Variants in SHF observed in about 807,000 individuals in gnomAD.
SHF encodes the protein Src homology 2 domain containing F.
Under a neutral mutation model 42.4 loss-of-function variants are expected in SHF, and 30 were observed. The observed-to-expected ratio is 0.71, with a 90% CI of 0.53 to 0.96. The LOEUF is 0.96. Among genes scored for constraint, SHF ranks in the 40% least tolerant of loss-of-function variants. SHF has a pLI of 0.00. For missense variants in SHF, 598 were observed against 634.0 expected (o/e 0.94, Z 0.61); for synonymous variants, 264 against 269.9 (o/e 0.98, Z 0.21).
At chr15:45,181,812 C>T (rs914252054) in intron 1 of SHF, among the ~76,000 whole-genome samples, 6 of 151,786 alleles carry the variant, frequency 4.0e-5, no homozygotes, top group Admixed American at 2.0e-4. Context: ...AAAACCACGG[C>T]GGAGGGGTGA....
rs377627410 is a variant in SHF, at chr15:45,172,015, G to A, written c.1161-13C>T. The A allele has an allele frequency of 3.4e-4, 555 of 1,613,818 alleles. 2 individuals are homozygous for A. Among genetic ancestry groups the A allele is most frequent in the Non-Finnish European group, 4.5e-4 (533 of 1,179,864 alleles). On this transcript the variant is annotated splice_polypyrimidine_tract_variant and intron_variant, in intron 5 of 6. Coordinates refer to ENST00000690270, the MANE Select transcript of SHF (RefSeq NM_001394037.1). ...CCCGTGATACCAGCTAAGGATGAGA[G>A]AGAGGAAGGGGGGCATCTCTGCTGG...
At position 45,186,158 on chromosome 15, in the gene SHF, G is replaced by A. The variant is rs74011386; in HGVS notation, c.498+1296C>T. ...CAATAGCAGGGGACAAGAAGCAGAC[G>A]AGCACAGCCTTGGAGAAGTGCCCTT... On this transcript the variant is annotated intron_variant, in intron 1 of 6. Transcript: ENST00000690270. 3.3e-3 allele frequency among the ~76,000 whole-genome samples: 510 copies of A among 152,352 alleles called. 5 individuals carry two copies. Among genetic ancestry groups the A allele is most frequent in the African/African-American group, 0.012 (482 of 41,580 alleles).
Position 45,176,172 on chromosome 15 carries a change from T to C in SHF, c.641-747A>G, listed in dbSNP as rs1897798894. Among the ~76,000 whole-genome samples the C allele has an allele frequency of 3.3e-5, 5 of 152,048 alleles. No individual in the cohort carries two copies. In the South Asian group the frequency reaches 1.0e-3, roughly 32 times the overall value. ...GAATTATTCTTTGCTGCCCAGACAC[T>C]GTGGACCACCCGCTCCTTGAAACTT... On this transcript the variant is annotated intron_variant, in intron 2 of 6. Coordinates refer to ENST00000690270, the MANE Select transcript of SHF (RefSeq NM_001394037.1).
chr15:45,198,567 A>G (rs1898946044), intron 2 of SHF: 4 of 552,854 alleles, frequency 7.2e-6, no homozygotes, highest in African/African-American at 1.9e-5. Flanking sequence ...AAAAGGGGAA[A>G]AAAATACCGA....
chr15:45,181,717 A>G (rs935619954), intron 1 of SHF, among the ~76,000 whole-genome samples: 3 of 152,192 alleles, frequency 2.0e-5, no homozygotes, highest in Non-Finnish European at 2.9e-5. Context: ...CTCTCAGCAG[A>G]TCTACATCTG....
chr15:45,190,569 G>A (rs1265359119), upstream of SHF, among the ~76,000 whole-genome samples: 5 of 152,214 alleles, frequency 3.3e-5, no homozygotes, highest in African/African-American at 9.7e-5. Context: ...TGTGACATGA[G>A]TTAAACTGCT....
chr15:45,173,624 A>T lies in SHF; in HGVS notation c.940T>A (p.Ser314Thr). 6.4e-7 allele frequency: 1 copy of T among 1,550,488 alleles called. No homozygotes were observed. The highest frequency in any genetic ancestry group is 8.7e-7 in the Non-Finnish European group (1 of 1,146,490). Residue 314 changes from serine to threonine, a missense_variant, in exon 4 of 7, where the codon TCC becomes ACC. This residue lies in a region of SHF where 439 missense variants were observed against 524.6 expected (regional missense o/e 0.84). Transcript: ENST00000690270. Reference sequence around the variant, plus strand: ...TCAGGGAGGGGCGAGGCTGGACCGGAGATGTCCCTGTCCCCATCAGGCAGG... The same window carrying T: ...TCAGGGAGGGGCGAGGCTGGACCGGTGATGTCCCTGTCCCCATCAGGCAGG... The part of the protein sequence containing the change: ...PSLPDGDRDI[S>T]GPASPLPEPS...
chr15:45,186,848 C>T (rs1421781045), intron 1 of SHF, among the ~76,000 whole-genome samples: 1 of 152,250 alleles, frequency 6.6e-6, no homozygotes, highest in Non-Finnish European at 1.5e-5. Context: ...TGCCTGTCTT[C>T]GCCTCCTGAG....
At position 45,173,658 on chromosome 15, in the gene SHF, G is replaced by T; in HGVS notation, c.906C>A (p.Ser302Arg). The change falls in exon 4 of 7, where the codon AGC becomes AGA. Residue 302 changes from serine (S) to arginine (R), a missense_variant. Ser to Arg is a moderately radical substitution (Grantham distance 110). Transcript: ENST00000690270. ...TGTCCCCATCAGGCAGGGAGGGGCT[G>T]CTGTCCAGCTGTCCCACAGGTGGAG... ...PWPPPVGQLD[S>R]SPSLPDGDRD... 1 of 1,551,610 alleles carries T rather than the reference G, an allele frequency of 6.4e-7. No homozygotes were observed. The highest frequency in any genetic ancestry group is 2.4e-5 in the East Asian group (1 of 40,926).
At chr15:45,197,514 C>T (rs1465152734) in intron 2 of SHF, among the ~76,000 whole-genome samples, 1 of 152,198 alleles carries the variant, frequency 6.6e-6, no homozygotes, top group Non-Finnish European at 1.5e-5. Context: ...GTCCTTCTAT[C>T]TGACTCCAAA....
upstream of SHF, among the ~76,000 whole-genome samples, chr15:45,192,268 G>T (rs1898727216): frequency 7.1e-6 from 1 of 141,434 alleles, no homozygotes. Flanking sequence ...TTTTGTTTTT[G>T]AAAAATCTTT....
At position 45,187,966 on chromosome 15, in the gene SHF, T is replaced by C. The variant is rs1393215670; in HGVS notation, c.-15A>G. ...CTCAGTAACATGGGGCCAGCCAGAC[T>C]GAGCGAGGGGAGCGCAGCGGCGGGT... On this transcript the variant is annotated 5_prime_UTR_variant, in exon 1 of 7. Coordinates refer to ENST00000690270, the MANE Select transcript of SHF (RefSeq NM_001394037.1). The C allele has an allele frequency of 4.8e-6, 5 of 1,051,462 alleles. No homozygotes were observed. The African/African-American group carries it at 7.6e-5, about 16-fold the overall frequency. The allele number at this position is 1,051,462 out of a possible 1,614,324, so 65.1% of individuals were successfully genotyped here. A position where few individuals can be genotyped will look rare whatever the true frequency, so the allele number is the denominator to read the frequency against.
chr15:45,168,869 C>A (rs1399429511), intron 6 of SHF, among the ~76,000 whole-genome samples: 1 of 152,270 alleles, frequency 6.6e-6, no homozygotes, highest in Non-Finnish European at 1.5e-5. Context: ...AGTGCCTGGC[C>A]CCGCCCTCAA....
upstream of SHF, among the ~76,000 whole-genome samples, chr15:45,190,688 C>T (rs1169411406): frequency 1.3e-5 from 2 of 151,940 alleles, no homozygotes; most frequent in Non-Finnish European, 2.9e-5. Flanking sequence ...AGTGAAAGGT[C>T]ATTCCAAGAC....
intron 6 of SHF, among the ~76,000 whole-genome samples, chr15:45,169,977 C>T (rs150807078): frequency 1.3e-5 from 2 of 152,358 alleles, no homozygotes; most frequent in Admixed American, 6.5e-5. Context: ...TCAGAGAAGC[C>T]ATTTATATGC....
At position 45,187,700 on chromosome 15, in the gene SHF, G is replaced by T; in HGVS notation, c.252C>A (p.Ala84=). Residue 84 remains alanine, a synonymous_variant, in exon 1 of 7, where the codon GCC becomes GCA. Coordinates refer to ENST00000690270, the MANE Select transcript of SHF (RefSeq NM_001394037.1). ...TGTCCGGGGGCGGCGCGGGGGGCGC[G>T]GCCGGAGAGGGCGCAGGGGGGCGGT... ...PDYRPPAPSP[A]APPAPPPDIL... The T allele has an allele frequency of 1.7e-6, 2 of 1,174,304 alleles. No homozygotes were observed. The highest frequency in any genetic ancestry group is 2.1e-6 in the Non-Finnish European group (2 of 937,298). The allele number at this position is 1,174,304 out of a possible 1,614,324, so 72.7% of individuals were successfully genotyped here. A position where few individuals can be genotyped will look rare whatever the true frequency, so the allele number is the denominator to read the frequency against.
intron 4 of SHF, among the ~76,000 whole-genome samples, chr15:45,173,192 CTCTT>C (rs1300385137): frequency 1.3e-5 from 2 of 152,206 alleles, no homozygotes; most frequent in African/African-American, 4.8e-5. Context: ...AGCCCTTACT[CTCTT>C]TCAGTCACCA....
chr15:45,178,851 C>T (rs112781542), intron 1 of SHF, among the ~76,000 whole-genome samples: 2 of 152,214 alleles, frequency 1.3e-5, no homozygotes, highest in Admixed American at 1.3e-4. Context: ...TACATCTTTT[C>T]CACTAATTTT....
Position 45,175,409 on chromosome 15 carries a change from C to A in SHF, c.657G>T (p.Lys219Asn). The A allele has an allele frequency of 6.3e-7, 1 of 1,585,168 alleles. No homozygotes were observed. The highest frequency in any genetic ancestry group is 2.3e-5 in the East Asian group (1 of 43,486). ...QKMMAEIRGS[K>N]ETATQPLPLY... is the part of the protein sequence containing the mutation. ...GAGGCAAGGGCTGAGTTGCTGTCTC[C>A]TTGGAGCCCCGGATCTCTGCCGGAG... The change falls in exon 3 of 7, where the codon AAG becomes AAT. Residue 219 changes from lysine (K) to asparagine (N), a missense_variant. Physicochemically the swap from Lys to Asn is moderately conservative, Grantham distance 94. This residue lies in a region of SHF where 439 missense variants were observed against 524.6 expected (regional missense o/e 0.84). Transcript: ENST00000690270.
Sources: gnomAD v4.1 joint callset for allele counts (sites outside exome capture counted in the v4.1 genomes callset) on GRCh38, gnomAD v4.1.1 for gene constraint, gnomAD v4.1.1 regional missense constraint, MANE v1.5 for transcripts, NCBI Gene and HGNC (gene_info 2026-07-23, HGNC 2026-07-21) for gene names.